Variants in SLC66A3 observed in about 807,000 individuals in gnomAD.
SLC66A3 encodes the protein solute carrier family 66 member 3.
Under a neutral mutation model 25.5 loss-of-function variants are expected in SLC66A3, and 23 were observed. The observed-to-expected ratio is 0.90, with a 90% CI of 0.65 to 1.28. The LOEUF (loss-of-function observed/expected upper bound fraction) is 1.28. Ranked by LOEUF, SLC66A3 falls within the 50% of genes most tolerant of loss-of-function variation. SLC66A3 has a pLI of 0.00. For synonymous variants in SLC66A3, 108 were observed against 112.6 expected (o/e 0.96, Z 0.26); for missense variants, 246 against 262.1 (o/e 0.94, Z 0.42).
intron 1 of SLC66A3, among the ~76,000 whole-genome samples, chr2:11,159,450 CG>C (rs1662036018): frequency 6.6e-6 from 1 of 152,134 alleles, no homozygotes; most frequent in Admixed American, 6.5e-5. Context: ...GGCCCGCACT[CG>C]GGGACCAGGC....
intron 3 of SLC66A3, among the ~76,000 whole-genome samples, chr2:11,162,413 G>A (rs10197124): frequency 0.033 from 5,096 of 152,246 alleles, 275 homozygotes; most frequent in African/African-American, 0.12. Flanking sequence ...GAAATAAAAT[G>A]CAACAGCTTT....
At position 11,160,596 on chromosome 2, in the gene SLC66A3, C is replaced by T. The variant is rs370419394; in HGVS notation, c.227-29C>T. 249 of 1,614,044 alleles carry T rather than the reference C, an allele frequency of 1.5e-4. 1 individual carries two copies. In the African/African-American group the frequency reaches 3.0e-3, roughly 19 times the overall value. On this transcript the variant is annotated intron_variant, in intron 2 of 6. Transcript: ENST00000295083. ...GCGGACTGCCACGGGTCTCCCCTTC[C>T]CCCCTCACTCGGAGCCTCTCTCTTT...
intron 4 of SLC66A3, among the ~76,000 whole-genome samples, chr2:11,167,077 C>T (rs986681695): frequency 1.3e-5 from 2 of 152,194 alleles, no homozygotes; most frequent in African/African-American, 4.8e-5. Context: ...GGTTCTAGTT[C>T]TATTAGCCCC....
rs185113833 is a variant in SLC66A3 at position 11,158,534 on chromosome 2, C to T, written c.144-1932C>T. ...AAAATTAGCTGGGCGTGGTGGCTGGCGCCTGTAGTCCCAGCTACTTGGGAG... is the reference window on the plus strand; with the variant it reads ...AAAATTAGCTGGGCGTGGTGGCTGGTGCCTGTAGTCCCAGCTACTTGGGAG... On this transcript the variant is annotated intron_variant, in intron 1 of 6. Transcript: ENST00000295083. 8.6e-4 allele frequency among the ~76,000 whole-genome samples: 131 copies of T among 152,320 alleles called. No homozygotes were observed. In the Middle Eastern group the frequency reaches 0.01, roughly 12 times the overall value.
rs902727595 is a variant in SLC66A3, at chr2:11,160,524, G to A, written c.202G>A (p.Glu68Lys). The stretch of plus-strand genomic sequence containing the variant: ...TGGGTATCCGCCGCTGACCTACCTG[G>A]AGTACCCCATCCTCATCGCGCAAGG... ...YYGYPPLTYL[E>K]YPILIAQDVI... is the part of the protein sequence containing the mutation. The change falls in exon 2 of 7, where the codon GAG becomes AAG. Residue 68 changes from glutamate (E) to lysine (K), a missense_variant. Glu to Lys is a moderately conservative substitution (Grantham distance 56). Transcript: ENST00000295083. The A allele has an allele frequency of 6.2e-7, 1 of 1,614,012 alleles. No individual in the cohort carries two copies. Among genetic ancestry groups the A allele is most frequent in the African/African-American group, 1.3e-5 (1 of 74,890 alleles).
At chr2:11,157,042 G>A (rs1661930940) in intron 1 of SLC66A3, among the ~76,000 whole-genome samples, 1 of 152,208 alleles carries the variant, frequency 6.6e-6, no homozygotes, top group Non-Finnish European at 1.5e-5. Context: ...GACCCATGAA[G>A]GAAAAGAAGC....
intron 4 of SLC66A3, among the ~76,000 whole-genome samples, chr2:11,168,832 CT>C (rs1187910487): frequency 6.6e-6 from 1 of 152,086 alleles, no homozygotes; most frequent in Non-Finnish European, 1.5e-5. Flanking sequence ...CCCAAGAGCA[CT>C]CCCTGCGGTT....
intron 4 of SLC66A3, among the ~76,000 whole-genome samples, chr2:11,165,974 C>G (rs989657416): frequency 6.6e-6 from 1 of 152,348 alleles, no homozygotes; most frequent in South Asian, 2.1e-4. Flanking sequence ...CAGTCCAGTC[C>G]AGCTTCGGCT....
intron 5 of SLC66A3, 41 bp from the exon 6 acceptor site, chr2:11,174,927 C>G (rs199723974): frequency 6.5e-7 from 1 of 1,531,104 alleles, no homozygotes; most frequent in Non-Finnish European, 9.0e-7. Context: ...CCAAAATGTC[C>G]GAGAGGCAAG....
intron 4 of SLC66A3, among the ~76,000 whole-genome samples, chr2:11,165,457 G>C (rs1461133093): frequency 6.7e-6 from 1 of 149,004 alleles, no homozygotes; most frequent in Non-Finnish European, 1.5e-5. Context: ...CATCCCAGAC[G>C]GGGCGACGGG....
chr2:11,165,263 A>C (rs929269653), intron 4 of SLC66A3, among the ~76,000 whole-genome samples: 20 of 135,716 alleles, frequency 1.5e-4, no homozygotes, highest in Non-Finnish European at 2.8e-4. Flanking sequence ...CACTTCTCAG[A>C]GGGGCGGCTG....
chr2:11,161,153 C>A (rs1478038247), intron 3 of SLC66A3, among the ~76,000 whole-genome samples: 1 of 152,176 alleles, frequency 6.6e-6, no homozygotes, highest in East Asian at 1.9e-4. Flanking sequence ...GCTCAGAGAC[C>A]TGTTCCTGCT....
At chr2:11,168,127 A>T (rs376709215) in intron 4 of SLC66A3, among the ~76,000 whole-genome samples, 14 of 151,492 alleles carry the variant, frequency 9.2e-5, no homozygotes, top group Middle Eastern at 3.4e-3. Context: ...AAAAATATAT[A>T]AAAAAAAATT....
rs376938810 is a variant in SLC66A3 at position 11,155,672 on chromosome 2, A to C, written c.126A>C (p.Leu42Phe). Residue 42 changes from leucine to phenylalanine, a missense_variant, in exon 1 of 7, where the codon TTA becomes TTC. Coordinates refer to ENST00000295083, the MANE Select transcript of SLC66A3 (RefSeq NM_152391.5). The part of the protein sequence containing the change: ...RSARGLSLPS[L>F]LLELAGFLVF... ...CGCGGGGCCTCAGCCTTCCGAGTTT[A>C]CTTCTGGAGCTGGCAGGGTAAGGCC... 59 of 1,454,204 alleles carry C rather than the reference A, an allele frequency of 4.1e-5. No homozygotes were observed. In the African/African-American group the frequency reaches 6.9e-4, roughly 17 times the overall value. The allele number at this position is 1,454,204 out of a possible 1,614,324, so 90.1% of individuals were successfully genotyped here. A position where few individuals can be genotyped will look rare whatever the true frequency, so the allele number is the denominator to read the frequency against.
chr2:11,162,876 G>A (rs1053692267), intron 3 of SLC66A3, among the ~76,000 whole-genome samples: 1 of 152,196 alleles, frequency 6.6e-6, no homozygotes, highest in African/African-American at 2.4e-5. Flanking sequence ...AAAGTGCTGG[G>A]ATTACAGGCG....
At position 11,155,495 on chromosome 2, in the gene SLC66A3, C is replaced by T; in HGVS notation, c.-52C>T. ...CTTCGGCAGAGCTGCGCCGCCGAGG[C>T]TGAGCGGTCCCTTCTCGCTGCGGCC... On this transcript the variant is annotated 5_prime_UTR_variant, in exon 1 of 7. Coordinates refer to ENST00000295083, the MANE Select transcript of SLC66A3 (RefSeq NM_152391.5). The T allele has an allele frequency of 1.4e-6, 2 of 1,443,484 alleles. No individual in the cohort carries two copies. Among genetic ancestry groups the T allele is most frequent in the Non-Finnish European group, 9.0e-7 (1 of 1,107,106 alleles). 89.4% of individuals were successfully genotyped at this position (1,443,484 alleles called of 1,614,324 possible).
At chr2:11,158,661 C>A (rs1661995200) in intron 1 of SLC66A3, among the ~76,000 whole-genome samples, 1 of 151,472 alleles carries the variant, frequency 6.6e-6, no homozygotes, top group African/African-American at 2.4e-5. Context: ...GACTCCGCCT[C>A]AAAAAAAAGA....
At chr2:11,168,351 T>C (rs185199815) in intron 4 of SLC66A3, among the ~76,000 whole-genome samples, 1 of 152,014 alleles carries the variant, frequency 6.6e-6, no homozygotes, top group Admixed American at 6.5e-5. Context: ...TGGATTAGAC[T>C]GTTTTACAGA....
intron 4 of SLC66A3, among the ~76,000 whole-genome samples, chr2:11,170,647 G>C (rs954493898): frequency 6.6e-6 from 1 of 150,832 alleles, no homozygotes; most frequent in African/African-American, 2.4e-5. Context: ...GGAGTGCAGT[G>C]ATATGATCTC....
Sources: allele counts gnomAD v4.1 joint callset (sites outside exome capture counted in the v4.1 genomes callset), GRCh38; gene constraint gnomAD v4.1.1; transcripts MANE v1.5; gene names NCBI Gene and HGNC (gene_info 2026-07-23, HGNC 2026-07-21).